The following RPTOR variants were observed in gnomAD, a reference collection of about 807,000 sequenced individuals.
RPTOR encodes regulatory-associated protein of mTOR.
In RPTOR, 21 loss-of-function variants were observed where a neutral mutation model predicts 169.9. The ratio of observed to expected loss-of-function variants is 0.12; its 90% CI spans 0.09 to 0.18. RPTOR has a LOEUF of 0.18. Among genes scored for constraint, RPTOR ranks in the 10% least tolerant of loss-of-function variants. RPTOR has a pLI of 1.00. For missense variants in RPTOR, 1,133 were observed against 1,855.9 expected, an observed-to-expected ratio of 0.61 and a Z score of 7.16; for synonymous variants, 732 against 753.2, an observed-to-expected ratio of 0.97 and a Z score of 0.46.
At chr17:80,939,337 A>G (rs1351181823) in intron 24 of RPTOR, among the ~76,000 whole-genome samples, 1 of 152,238 alleles carries the variant, frequency 6.6e-6, no homozygotes, top group Non-Finnish European at 1.5e-5. Flanking sequence ...CCCAACCCAC[A>G]TGTGCGTGCA....
chr17:80,917,238 A>C (rs1355836138), intron 21 of RPTOR, among the ~76,000 whole-genome samples: 1 of 129,446 alleles, frequency 7.7e-6, no homozygotes, highest in Non-Finnish European at 1.7e-5. Context: ...TCGGCTTCCC[A>C]TGTAGCTGGG....
intron 3 of RPTOR, among the ~76,000 whole-genome samples, chr17:80,663,226 T>A (rs1598202016): frequency 1.3e-5 from 2 of 152,180 alleles, no homozygotes; most frequent in South Asian, 4.1e-4. Context: ...TGCACCTGTT[T>A]CCAGTGACTG....
chr17:80,726,000 G>T (rs1208523719), intron 4 of RPTOR, among the ~76,000 whole-genome samples: 2 of 152,198 alleles, frequency 1.3e-5, no homozygotes, highest in Non-Finnish European at 2.9e-5. Context: ...CTAGGTGTGG[G>T]GGTGGCTGGG....
In RPTOR at chr17:80,949,557, C is replaced by T. The variant is rs951599553; in HGVS notation, c.3370+10C>T. On this transcript the variant is annotated intron_variant, in intron 28 of 33. Transcript: ENST00000306801. ...CTGCCAACGACGCGAGGTGGGTCCG[C>T]CCGGCTCCTCCCCAGAGCAGAATGT... is the stretch of plus-strand genomic sequence containing the variant. 1 of 1,607,950 alleles carries T rather than the reference C, an allele frequency of 6.2e-7. No homozygotes were observed. The highest frequency in any genetic ancestry group is 1.3e-5 in the African/African-American group (1 of 74,832).
chr17:80,780,889 C>G (rs2066935616), intron 6 of RPTOR, among the ~76,000 whole-genome samples: 1 of 152,216 alleles, frequency 6.6e-6, no homozygotes, highest in Admixed American at 6.5e-5. Flanking sequence ...TGAGTCAGTG[C>G]ATTGAGCGTG....
At chr17:80,835,381 G>A (rs375192013) in intron 9 of RPTOR, among the ~76,000 whole-genome samples, 4 of 152,158 alleles carry the variant, frequency 2.6e-5, no homozygotes, top group East Asian at 1.9e-4. Context: ...CAGAGTCCTC[G>A]AGTCTCTTAG....
intron 17 of RPTOR, among the ~76,000 whole-genome samples, chr17:80,889,500 C>T (rs1328723234): frequency 1.3e-5 from 2 of 152,148 alleles, no homozygotes; most frequent in Non-Finnish European, 2.9e-5. Flanking sequence ...GTGGCCTCCC[C>T]GTCTGTGTGC....
intron 17 of RPTOR, among the ~76,000 whole-genome samples, chr17:80,890,329 A>C (rs1158264367): frequency 6.6e-6 from 1 of 152,152 alleles, no homozygotes; most frequent in Non-Finnish European, 1.5e-5. Context: ...TCTTCCCTGG[A>C]AGGGGCCCAG....
intron 6 of RPTOR, among the ~76,000 whole-genome samples, chr17:80,773,247 T>G (rs1302744412): frequency 1.3e-5 from 2 of 152,188 alleles, no homozygotes; most frequent in Admixed American, 6.5e-5. Flanking sequence ...ACCTGCAGTT[T>G]GTCACCAAAG....
At chr17:80,641,086 A>G (rs1036083869) in intron 2 of RPTOR, among the ~76,000 whole-genome samples, 11 of 152,058 alleles carry the variant, frequency 7.2e-5, no homozygotes, top group Admixed American at 2.6e-4. Context: ...CGTGGCCCCT[A>G]TTTTTTGTTT....
chr17:80,680,328 G>A (rs2065888842), intron 3 of RPTOR, among the ~76,000 whole-genome samples: 1 of 152,156 alleles, frequency 6.6e-6, no homozygotes, highest in Admixed American at 6.5e-5. Context: ...TGCCTCTGAA[G>A]GGGGTTTGTT....
chr17:80,964,203 G>GCC, intron 33 of RPTOR, 59 bp from the exon 34 acceptor site: 3 of 511,992 alleles, frequency 5.9e-6, no homozygotes, highest in East Asian at 4.2e-5. Context: ...GCGCCCCCCC[G>GCC]CCCCCCGCAG....
intron 6 of RPTOR, among the ~76,000 whole-genome samples, chr17:80,771,655 C>T (rs1044758739): frequency 1.3e-5 from 2 of 151,442 alleles, no homozygotes. Context: ...ACCTGAGAGG[C>T]CTTAGGAATG....
At chr17:80,893,530 G>A (rs1009676941) in intron 19 of RPTOR, among the ~76,000 whole-genome samples, 177 bp from the exon 20 acceptor site, 1 of 150,532 alleles carries the variant, frequency 6.6e-6, no homozygotes, top group African/African-American at 2.5e-5. Flanking sequence ...TGTATGTCGG[G>A]TGTGTGTACA....
At chr17:80,595,966 C>T (rs917158311) in intron 1 of RPTOR, among the ~76,000 whole-genome samples, 1 of 152,134 alleles carries the variant, frequency 6.6e-6, no homozygotes, top group Non-Finnish European at 1.5e-5. Flanking sequence ...GTTGATAGGC[C>T]TTGACAACTT....
At chr17:80,667,980 A>C (rs2065793473) in intron 3 of RPTOR, among the ~76,000 whole-genome samples, 1 of 152,246 alleles carries the variant, frequency 6.6e-6, no homozygotes, top group Admixed American at 6.5e-5. Context: ...AACGACCTTC[A>C]GATGGGATTC....
In RPTOR at chr17:80,897,452, T is replaced by A. The variant is rs192108407; in HGVS notation, c.2401+3587T>A. On this transcript the variant is annotated intron_variant, in intron 20 of 33. Coordinates refer to ENST00000306801, the MANE Select transcript of RPTOR (RefSeq NM_020761.3). ...ATTCTATTCTAGTTAGTTAAGAATT[T>A]TCCTGATAAATGGAATTAATTTCTT... is the stretch of plus-strand genomic sequence containing the variant. Among the ~76,000 whole-genome samples, 21 of 152,380 alleles carry A rather than the reference T, an allele frequency of 1.4e-4. 1 individual carries two copies. The East Asian group carries it at 3.7e-3, about 27-fold the overall frequency.
rs80292043 is a variant in RPTOR at position 80,882,378 on chromosome 17, T to C, written c.1585-1041T>C. The stretch of plus-strand genomic sequence containing the variant: ...CGCATCATAATGAAAACAGCAAATA[T>C]CGAAGGCATAAAGACAAACCTTAAA... On this transcript the variant is annotated intron_variant, in intron 14 of 33. Coordinates refer to ENST00000306801, the MANE Select transcript of RPTOR (RefSeq NM_020761.3). Among the ~76,000 whole-genome samples, 3 of 152,116 alleles carry C rather than the reference T, an allele frequency of 2.0e-5. No homozygotes were observed. In the East Asian group the frequency reaches 5.8e-4, roughly 29 times the overall value.
intron 3 of RPTOR, among the ~76,000 whole-genome samples, chr17:80,672,314 A>C (rs1227602807): frequency 2.0e-5 from 3 of 151,874 alleles, no homozygotes; most frequent in African/African-American, 7.3e-5. Context: ...TTAGTGCTCC[A>C]GCATAGCAAG....
Sources: gnomAD v4.1 joint callset for allele counts (sites outside exome capture counted in the v4.1 genomes callset) on GRCh38, gnomAD v4.1.1 for gene constraint, MANE v1.5 for transcripts, NCBI Gene and HGNC (gene_info 2026-07-23, HGNC 2026-07-21) for gene names.